Variants in ESR1 observed in about 807,000 individuals in gnomAD.
ESR1 encodes estrogen receptor.
In ESR1, 12 loss-of-function variants were observed where a neutral mutation model predicts 52.7. The ratio of observed to expected loss-of-function variants is 0.23; its 90% CI spans 0.15 to 0.37. The LOEUF (loss-of-function observed/expected upper bound fraction) is 0.37, where lower values mean the gene tolerates loss of function less well. Ranked by LOEUF, ESR1 falls within the 10% of genes least tolerant of loss-of-function variation. The pLI, the probability that ESR1 is intolerant of heterozygous loss-of-function variation, is 1.00. For synonymous variants in ESR1, 305 were observed against 316.8 expected, an observed-to-expected ratio of 0.96 and a Z score of 0.39; for missense variants, 584 against 779.7, an observed-to-expected ratio of 0.75 and a Z score of 2.99.
intron 3 of ESR1, among the ~76,000 whole-genome samples, chr6:151,931,442 G>C (rs992838747): frequency 6.6e-6 from 1 of 151,590 alleles, no homozygotes. Flanking sequence ...TTTTCCATTA[G>C]AGCCCTCAAA....
At chr6:151,774,476 G>A (rs1007072742) in intron 2 of ESR1, among the ~76,000 whole-genome samples, 1 of 152,230 alleles carries the variant, frequency 6.6e-6, no homozygotes, top group African/African-American at 2.4e-5. Context: ...ATTAGTCATG[G>A]ATGGTTAGTG....
At chr6:151,703,279 C>T (rs1392812793) in intron 2 of ESR1, among the ~76,000 whole-genome samples, 8 of 152,082 alleles carry the variant, frequency 5.3e-5, no homozygotes, top group Non-Finnish European at 1.0e-4. Flanking sequence ...ATAAAGTCAC[C>T]ACTTCCAGGC....
intron 4 of ESR1, among the ~76,000 whole-genome samples, chr6:151,945,235 C>T (rs188050986): frequency 9.3e-4 from 142 of 152,026 alleles, no homozygotes; most frequent in Non-Finnish European, 1.6e-3. Context: ...AAAAAATAAA[C>T]CACACAAAAA....
intron 2 of ESR1, among the ~76,000 whole-genome samples, chr6:151,864,889 AAG>A (rs1268776806): frequency 7.1e-6 from 1 of 140,990 alleles, no homozygotes. Flanking sequence ...ATTGAACAAT[AAG>A]AACACTTGGA....
intron 1 of ESR1, among the ~76,000 whole-genome samples, chr6:151,669,155 A>AGAGAGAGAGAGAGGGAGAG (rs1777943504): frequency 2.5e-5 from 3 of 118,658 alleles, no homozygotes; most frequent in Non-Finnish European, 3.8e-5. Context: ...TGGGAGAGAG[A>AGAGAGAGAGAGAGGGAGAG]GAGAGAGAGA....
chr6:151,898,922 C>A (rs1285627024), intron 3 of ESR1, among the ~76,000 whole-genome samples: 1 of 152,180 alleles, frequency 6.6e-6, no homozygotes, highest in Admixed American at 6.5e-5. Context: ...GGGCACACCT[C>A]CCAGACGGGG....
chr6:151,927,887 T>A (rs541756676), intron 3 of ESR1, among the ~76,000 whole-genome samples: 37 of 143,120 alleles, frequency 2.6e-4, no homozygotes, highest in African/African-American at 9.3e-4. Context: ...TTGGCTAATT[T>A]TTTTTTTTGT....
intron 2 of ESR1, among the ~76,000 whole-genome samples, chr6:151,796,133 G>C (rs913305374): frequency 6.7e-6 from 1 of 149,930 alleles, no homozygotes; most frequent in African/African-American, 2.5e-5. Context: ...GCCACTGCAC[G>C]CCAGCCTGGG....
At chr6:151,664,124 C>A (rs1777736380) in intron 1 of ESR1, among the ~76,000 whole-genome samples, 1 of 151,996 alleles carries the variant, frequency 6.6e-6, no homozygotes, top group Admixed American at 6.6e-5. Flanking sequence ...ACTTAGAAGT[C>A]AAAAAGAAAA....
intron 4 of ESR1, among the ~76,000 whole-genome samples, chr6:152,005,568 G>C (rs1327991821): frequency 6.6e-6 from 1 of 152,044 alleles, no homozygotes; most frequent in Non-Finnish European, 1.5e-5. Context: ...ATTGCAGCCT[G>C]TTGGGATGAA....
intron 2 of ESR1, among the ~76,000 whole-genome samples, chr6:151,785,640 G>A (rs1187123951): frequency 6.6e-6 from 1 of 152,124 alleles, no homozygotes; most frequent in East Asian, 1.9e-4. Flanking sequence ...TTTACTTGGA[G>A]GTGGCTCAAA....
At chr6:151,844,869 A>C (rs767529096) in intron 2 of ESR1, among the ~76,000 whole-genome samples, 2 of 152,238 alleles carry the variant, frequency 1.3e-5, no homozygotes, top group Non-Finnish European at 2.9e-5. Flanking sequence ...TAGGAAATTT[A>C]TTTGAGGAAG....
chr6:152,001,364 C>G (rs753965371), intron 4 of ESR1, among the ~76,000 whole-genome samples: 22 of 152,006 alleles, frequency 1.4e-4, no homozygotes, highest in Middle Eastern at 3.4e-3. Context: ...AGAAAGGGGA[C>G]GAAAGGGGCT....
chr6:151,963,648 A>G (rs913796555), intron 4 of ESR1, among the ~76,000 whole-genome samples: 1 of 152,082 alleles, frequency 6.6e-6, no homozygotes, highest in Non-Finnish European at 1.5e-5. Flanking sequence ...CACTTTGTCA[A>G]TTGTTTACTT....
At chr6:151,736,141 CT>C (rs911513235) in intron 2 of ESR1, among the ~76,000 whole-genome samples, 12 of 152,244 alleles carry the variant, frequency 7.9e-5, no homozygotes, top group South Asian at 2.1e-4. Context: ...GGCTCTTTAC[CT>C]TTTTAAACTT....
intron 1 of ESR1, among the ~76,000 whole-genome samples, chr6:151,813,864 A>G (rs1231385902): frequency 6.6e-6 from 1 of 152,206 alleles, no homozygotes; most frequent in East Asian, 1.9e-4. Flanking sequence ...AGAACTAGAC[A>G]TTTCCAAATG....
chr6:151,858,313 C>T (rs950143652), intron 2 of ESR1, among the ~76,000 whole-genome samples: 3 of 152,172 alleles, frequency 2.0e-5, no homozygotes, highest in African/African-American at 7.2e-5. Context: ...CTGGCCTGAC[C>T]AGCAAGGGTA....
rs537860257 is a variant in ESR1, at chr6:151,899,502, C to T, written c.760+18731C>T. On this transcript the variant is annotated intron_variant, in intron 3 of 7. Transcript: ENST00000206249. ...CTGACCCCCCCACCTCCCTCCCGGA[C>T]GGGGCGGCTGGCCGGGCGGGGGGCT... is the stretch of plus-strand genomic sequence containing the variant. Among the ~76,000 whole-genome samples the T allele has an allele frequency of 6.1e-3, 872 of 143,410 alleles. 5 individuals carry two copies. Among genetic ancestry groups the T allele is most frequent in the Non-Finnish European group, 7.4e-3 (484 of 65,506 alleles). The allele number at this position is 143,410 out of a possible 152,430, so 94.1% of individuals were successfully genotyped here.
intron 3 of ESR1, among the ~76,000 whole-genome samples, chr6:151,922,635 A>G (rs2128465574): frequency 6.6e-6 from 1 of 152,272 alleles, no homozygotes; most frequent in East Asian, 1.9e-4. Flanking sequence ...TTCTGTCACT[A>G]CAAGATAGTT....
Sources: gnomAD v4.1 joint callset for allele counts (sites outside exome capture counted in the v4.1 genomes callset) on GRCh38, gnomAD v4.1.1 for gene constraint, MANE v1.5 for transcripts, NCBI Gene and HGNC (gene_info 2026-07-23, HGNC 2026-07-21) for gene names.